Variants in CACNA2D2 observed in about 807,000 individuals in gnomAD.
The protein encoded by CACNA2D2 is voltage-dependent calcium channel subunit alpha-2/delta-2.
A neutral mutation model predicts 166.4 loss-of-function variants in CACNA2D2; 48 were observed. The observed-to-expected ratio is 0.29, with a 90% CI of 0.23 to 0.37. The LOEUF is 0.37. CACNA2D2 is among the 10% of genes least tolerant of loss of function. The pLI is 1.00. For missense variants in CACNA2D2, 1,122 were observed against 1,433.0 expected (o/e 0.78, Z 3.50); for synonymous variants, 561 against 573.7 (o/e 0.98, Z 0.32).
chr3:50,379,239 C>T lies in CACNA2D2; in HGVS notation c.1153-40G>A. The T allele has an allele frequency of 6.4e-7, 1 of 1,561,160 alleles. No individual in the cohort carries two copies. The highest frequency in any genetic ancestry group is 8.8e-7 in the Non-Finnish European group (1 of 1,132,438). On this transcript the variant is annotated intron_variant, in intron 11 of 37. Transcript: ENST00000424201. The surrounding 1 kb of genome is among the most constrained non-coding windows in gnomAD (Gnocchi z 6.5). ...GCGGAGGCAGGCAGCTCTCAGCCCTCCCTGGTCCAGGGGCAGGGCCTCCCT... is the reference window on the plus strand; with the variant it reads ...GCGGAGGCAGGCAGCTCTCAGCCCTTCCTGGTCCAGGGGCAGGGCCTCCCT...
intron 22 of CACNA2D2, 36 bp from the exon 23 acceptor site, chr3:50,370,416 G>A (rs1313283256): frequency 3.8e-6 from 5 of 1,326,754 alleles, no homozygotes; most frequent in East Asian, 2.5e-5. Flanking sequence ...GGCGGGGGCT[G>A]GGGAGGCTGG....
intron 2 of CACNA2D2, among the ~76,000 whole-genome samples, chr3:50,456,653 G>T (rs989925883): frequency 6.6e-6 from 1 of 152,136 alleles, no homozygotes. Flanking sequence ...CACACACTCT[G>T]CCCTTTCTCA....
intron 2 of CACNA2D2, among the ~76,000 whole-genome samples, chr3:50,467,539 C>A (rs1433255021): frequency 6.6e-6 from 1 of 152,164 alleles, no homozygotes; most frequent in African/African-American, 2.4e-5. Context: ...CACCTATGGA[C>A]ATGTGTACCC....
chr3:50,386,519 G>A (rs1342721132), intron 5 of CACNA2D2, among the ~76,000 whole-genome samples: 1 of 152,198 alleles, frequency 6.6e-6, no homozygotes, highest in Non-Finnish European at 1.5e-5. Context: ...CAACTTCTCT[G>A]GGAGCCACGG....
chr3:50,403,014 G>T (rs1706519249), intron 3 of CACNA2D2, among the ~76,000 whole-genome samples: 1 of 152,104 alleles, frequency 6.6e-6, no homozygotes, highest in Non-Finnish European at 1.5e-5. Context: ...CACGGGGGTG[G>T]TCGTTGAGTG....
chr3:50,408,842 T>C (rs1706848721), intron 3 of CACNA2D2, among the ~76,000 whole-genome samples: 1 of 152,230 alleles, frequency 6.6e-6, no homozygotes, highest in Admixed American at 6.5e-5. Flanking sequence ...CACAGAGCCA[T>C]GGCACCAACT....
chr3:50,499,521 T>C (rs1460598618), intron 1 of CACNA2D2, among the ~76,000 whole-genome samples: 1 of 152,180 alleles, frequency 6.6e-6, no homozygotes, highest in Non-Finnish European at 1.5e-5. Context: ...GGCAAGGTCA[T>C]CCCAATGGAG....
At chr3:50,474,153 C>T (rs1419039127) in intron 2 of CACNA2D2, among the ~76,000 whole-genome samples, 7 of 152,200 alleles carry the variant, frequency 4.6e-5, no homozygotes, top group Non-Finnish European at 7.3e-5. Context: ...TGCTACAAGC[C>T]AGCAGCATGA....
At chr3:50,393,964 C>T (rs888167337) in intron 4 of CACNA2D2, 145 bp downstream of exon 4, 3 of 684,310 alleles carry the variant, frequency 4.4e-6, no homozygotes, top group Non-Finnish European at 7.7e-6. Context: ...GGAGTAATTG[C>T]TGAATGTTGG....
At chr3:50,458,782 G>C (rs1709473778) in intron 2 of CACNA2D2, among the ~76,000 whole-genome samples, 1 of 152,232 alleles carries the variant, frequency 6.6e-6, no homozygotes, top group African/African-American at 2.4e-5. Context: ...ACCAGGCCCT[G>C]GCAGGCCCAC....
chr3:50,468,377 AAT>A (rs1491212513), intron 2 of CACNA2D2, among the ~76,000 whole-genome samples: 1 of 86,818 alleles, frequency 1.2e-5, no homozygotes, highest in African/African-American at 4.6e-5. Flanking sequence ...AGTTCATCAG[AAT>A]AGTGTGTGTG....
At chr3:50,426,642 A>G (rs1707820283) in intron 3 of CACNA2D2, among the ~76,000 whole-genome samples, 1 of 152,112 alleles carries the variant, frequency 6.6e-6, no homozygotes, top group South Asian at 2.1e-4. Flanking sequence ...CTAGACCCTT[A>G]TTTTGACTAG....
chr3:50,462,477 T>C (rs1709635112), intron 2 of CACNA2D2, among the ~76,000 whole-genome samples: 2 of 151,602 alleles, frequency 1.3e-5, no homozygotes, highest in South Asian at 4.2e-4. Flanking sequence ...TTTTTACTGG[T>C]AGGAAACAAC....
chr3:50,432,515 G>C (rs1047011276), intron 3 of CACNA2D2, among the ~76,000 whole-genome samples: 1 of 152,240 alleles, frequency 6.6e-6, no homozygotes, highest in African/African-American at 2.4e-5. Flanking sequence ...GGTGGAGACA[G>C]GGTCGGAGAA....
intron 22 of CACNA2D2, chr3:50,373,015 G>C (rs752576550): frequency 1.5e-5 from 23 of 1,500,900 alleles, no homozygotes; most frequent in Admixed American, 3.9e-5. Context: ...AGGGGCGTGA[G>C]GATGGGAGGG....
chr3:50,422,277 C>A (rs907338482), intron 3 of CACNA2D2, among the ~76,000 whole-genome samples: 1 of 152,178 alleles, frequency 6.6e-6, no homozygotes, highest in Non-Finnish European at 1.5e-5. Context: ...GAACTTGGAA[C>A]CTGGCTCCCC....
chr3:50,377,798 C>G lies in CACNA2D2; in HGVS notation c.1485G>C (p.Leu495=), dbSNP rs778554164. 3 of 1,613,066 alleles carry G rather than the reference C, an allele frequency of 1.9e-6. No individual in the cohort carries two copies. The South Asian group carries it at 3.3e-5, about 18-fold the overall frequency. ...WTNVYEDALG[L]GLVVTGTLPV... is the part of the protein sequence containing the mutation. ...GGAGGGTCCCTGTTACCACCAACCC[C>G]AGTCCCTGAAGGGAGAGGAAGATGA... The change falls in exon 16 of 38, where the codon CTG becomes CTC. Residue 495 remains leucine, a synonymous_variant. Transcript: ENST00000424201.
chr3:50,503,835 C>A (rs958629178), upstream of CACNA2D2, among the ~76,000 whole-genome samples: 2 of 151,894 alleles, frequency 1.3e-5, no homozygotes, highest in East Asian at 3.9e-4. Flanking sequence ...GGGCGTCCTG[C>A]GCCCCAGCTG....
At chr3:50,394,867 C>A (rs1352262435) in intron 3 of CACNA2D2, among the ~76,000 whole-genome samples, 2 of 152,244 alleles carry the variant, frequency 1.3e-5, no homozygotes, top group Non-Finnish European at 2.9e-5. Flanking sequence ...CTGCCTCTTG[C>A]AGCTCACAGG....
Sources: allele counts gnomAD v4.1 joint callset (sites outside exome capture counted in the v4.1 genomes callset), GRCh38; gene constraint gnomAD v4.1.1; non-coding constraint Gnocchi (gnomAD v3.1); transcripts MANE v1.5; gene names NCBI Gene and HGNC (gene_info 2026-07-23, HGNC 2026-07-21).